YEATS2: variants seen among roughly 807,000 people sequenced by gnomAD.
YEATS2 encodes the protein YEATS domain-containing protein 2.
In YEATS2, 77 loss-of-function variants were observed where a neutral mutation model predicts 163.2. That is an observed-to-expected ratio of 0.47 (90% CI 0.39 to 0.57). The LOEUF is 0.57. Ranked by LOEUF, YEATS2 falls within the 20% of genes least tolerant of loss-of-function variation. The pLI is 0.00. For missense variants in YEATS2, 1,549 were observed against 1,729.8 expected, an observed-to-expected ratio of 0.90 and a Z score of 1.85; for synonymous variants, 631 against 645.1, an observed-to-expected ratio of 0.98 and a Z score of 0.33.
chr3:183,697,819 C>A lies in YEATS2; in HGVS notation c.-194C>A, dbSNP rs1455646637. ...CCCGACGCGCCCAGCTGCTGACGTG[C>A]GGGGCGGAACGCGCCGGGCGGGCTC... On this transcript the variant is annotated 5_prime_UTR_variant, in exon 1 of 31. Coordinates refer to ENST00000305135, the MANE Select transcript of YEATS2 (RefSeq NM_018023.5). 2.0e-5 allele frequency: 3 copies of A among 149,912 alleles called. No individual in the cohort carries two copies. Among genetic ancestry groups the A allele is most frequent in the South Asian group, 2.1e-4 (1 of 4,826 alleles). The allele number at this position is 149,912 out of a possible 1,614,324, so 9.3% of individuals were successfully genotyped here. A position where few individuals can be genotyped will look rare whatever the true frequency, so the allele number is the denominator to read the frequency against.
chr3:183,803,394 G>C, intron 26 of YEATS2, 59 bp downstream of exon 26: 1 of 1,440,228 alleles, frequency 6.9e-7, no homozygotes, highest in Non-Finnish European at 9.6e-7. Flanking sequence ...TTATGGAACA[G>C]GGATAAGATT....
intron 1 of YEATS2, among the ~76,000 whole-genome samples, chr3:183,709,834 C>T (rs542068155): frequency 5.3e-5 from 8 of 151,916 alleles, no homozygotes; most frequent in Admixed American, 2.0e-4. Context: ...CCCGCCACCA[C>T]GCCCGGCTAA....
At chr3:183,727,994 A>AAGGG (rs1327056415) in intron 6 of YEATS2, among the ~76,000 whole-genome samples, 3 of 152,072 alleles carry the variant, frequency 2.0e-5, no homozygotes, top group Non-Finnish European at 2.9e-5. Context: ...GAACAACACA[A>AAGGG]ACTTTTAACA....
intron 1 of YEATS2, among the ~76,000 whole-genome samples, chr3:183,705,325 C>A (rs1302325675): frequency 6.6e-6 from 1 of 152,196 alleles, no homozygotes; most frequent in Non-Finnish European, 1.5e-5. Context: ...GCTGGGATTA[C>A]AAGCGTGAGC....
At chr3:183,767,636 C>T (rs1722038475) in intron 15 of YEATS2, among the ~76,000 whole-genome samples, 1 of 152,128 alleles carries the variant, frequency 6.6e-6, no homozygotes, top group African/African-American at 2.4e-5. Context: ...CCGCCTTGGC[C>T]TCCTGAAGTG....
rs1391008024 is a variant in YEATS2, at chr3:183,758,834, T to C, written c.1553-28T>C. 9 of 1,428,940 alleles carry C rather than the reference T, an allele frequency of 6.3e-6. No individual in the cohort carries two copies. In the South Asian group the frequency reaches 8.7e-5, roughly 14 times the overall value. The allele number at this position is 1,428,940 out of a possible 1,614,324, so 88.5% of individuals were successfully genotyped here. Reference sequence around the variant, plus strand: ...TACCTTTTGTAAATTTTACTTTGTTTATGTTTTAATTGTGCCTTGCTTATC... The same window carrying C: ...TACCTTTTGTAAATTTTACTTTGTTCATGTTTTAATTGTGCCTTGCTTATC... On this transcript the variant is annotated intron_variant, in intron 12 of 30. Transcript: ENST00000305135.
rs1456877730 is a variant in YEATS2 at position 183,756,445 on chromosome 3, G to T, written c.1391-83G>T. ...TTGTTACCTTTGTCCTGGTGGCACTGACCTTCTTCCTTGTCCTCGACATCT... is the reference window on the plus strand; with the variant it reads ...TTGTTACCTTTGTCCTGGTGGCACTTACCTTCTTCCTTGTCCTCGACATCT... On this transcript the variant is annotated intron_variant, in intron 11 of 30. Coordinates refer to ENST00000305135, the MANE Select transcript of YEATS2 (RefSeq NM_018023.5). 27 of 1,348,034 alleles carry T rather than the reference G, an allele frequency of 2.0e-5. 1 individual carries two copies. Among genetic ancestry groups the T allele is most frequent in the Middle Eastern group, 3.8e-4 (2 of 5,252 alleles). The allele number at this position is 1,348,034 out of a possible 1,614,324, so 83.5% of individuals were successfully genotyped here.
intron 7 of YEATS2, among the ~76,000 whole-genome samples, chr3:183,732,383 GCACAGGTTGCGGTGAGCCAAGATCATGC>G (rs1560247301): frequency 6.6e-6 from 1 of 150,988 alleles, no homozygotes; most frequent in Non-Finnish European, 1.5e-5. Context: ...AACCCGGGAG[GCACAGGTTGCGGTGAGCCAAGATCATGC>G]CACTGCACTC....
rs1255452723 is a variant in YEATS2, at chr3:183,732,684, T to A, written c.812+3833T>A. Among the ~76,000 whole-genome samples the A allele has an allele frequency of 2.0e-5, 3 of 151,556 alleles. No individual in the cohort carries two copies. In the South Asian group the frequency reaches 6.3e-4, roughly 32 times the overall value. ...ACGCCGTTCTCCTGCCTCAGCCTCC[T>A]GAGTAACTGGGACTACAGGCGCCCG... On this transcript the variant is annotated intron_variant, in intron 7 of 30. Coordinates refer to ENST00000305135, the MANE Select transcript of YEATS2 (RefSeq NM_018023.5).
At chr3:183,805,417 A>G (rs263037) in intron 27 of YEATS2, among the ~76,000 whole-genome samples, 67,658 of 151,698 alleles carry the variant, frequency 0.45, 15,315 homozygotes, top group Middle Eastern at 0.56. Context: ...TAAAAAGAAA[A>G]GTTGTTCTCT....
chr3:183,761,548 A>C lies in YEATS2; in HGVS notation c.1698A>C (p.Pro566=). Residue 566 remains proline (P), a synonymous_variant, in exon 14 of 31, where the codon CCA becomes CCC. Coordinates refer to ENST00000305135, the MANE Select transcript of YEATS2 (RefSeq NM_018023.5). ...TTGCATCTATGCCACCTCTTTGCCCAATTGGGAGTCACCCTAAGGTTCAAA... is the reference window on the plus strand; with the variant it reads ...TTGCATCTATGCCACCTCTTTGCCCCATTGGGAGTCACCCTAAGGTTCAAA... ...SLFASMPPLC[P]IGSHPKVQSP... The C allele has an allele frequency of 6.2e-7, 1 of 1,614,194 alleles. No homozygotes were observed. Among genetic ancestry groups the C allele is most frequent in the Non-Finnish European group, 8.5e-7 (1 of 1,180,014 alleles).
intron 5 of YEATS2, among the ~76,000 whole-genome samples, chr3:183,722,511 G>A (rs1380390053): frequency 2.0e-5 from 3 of 152,002 alleles, no homozygotes; most frequent in East Asian, 1.9e-4. Context: ...GGATGGTCTC[G>A]ATCTCCTGAC....
intron 30 of YEATS2, 21 bp from the exon 31 acceptor site, chr3:183,810,454 A>C (rs758110022): frequency 2.1e-5 from 34 of 1,596,616 alleles, no homozygotes; most frequent in Non-Finnish European, 2.7e-5. Context: ...ACCTGGTAAC[A>C]CCCTTTGTTT....
At chr3:183,728,283 A>G (rs1414551210) in intron 6 of YEATS2, among the ~76,000 whole-genome samples, 1 of 152,142 alleles carries the variant, frequency 6.6e-6, no homozygotes, top group Non-Finnish European at 1.5e-5. Context: ...ACTCTTTGAG[A>G]TTACTGTCTC....
intron 6 of YEATS2, 59 bp downstream of exon 6, chr3:183,724,590 A>G (rs1234761301): frequency 1.6e-6 from 2 of 1,280,398 alleles, no homozygotes; most frequent in Non-Finnish European, 2.2e-6. Flanking sequence ...TTTGGCATTA[A>G]TACTCTTACA....
intron 20 of YEATS2, among the ~76,000 whole-genome samples, chr3:183,789,524 A>ATTTTTTTT (rs1560317945): frequency 1.3e-5 from 1 of 77,062 alleles, no homozygotes; most frequent in South Asian, 4.5e-4. Context: ...CATTCGAGTT[A>ATTTTTTTT]ATTTTTTTTT....
intron 15 of YEATS2, among the ~76,000 whole-genome samples, chr3:183,765,301 A>G (rs1434656686): frequency 6.6e-6 from 1 of 152,222 alleles, no homozygotes; most frequent in Non-Finnish European, 1.5e-5. Context: ...TGTTTATGTT[A>G]GAAGCTCTTG....
chr3:183,747,615 G>A lies in YEATS2; in HGVS notation c.925-57G>A, dbSNP rs1719683122. 10 of 1,461,190 alleles carry A rather than the reference G, an allele frequency of 6.8e-6. No individual in the cohort carries two copies. In the Admixed American group the frequency reaches 1.7e-4, roughly 25 times the overall value. The allele number at this position is 1,461,190 out of a possible 1,614,324, so 90.5% of individuals were successfully genotyped here. A position where few individuals can be genotyped will look rare whatever the true frequency, so the allele number is the denominator to read the frequency against. On this transcript the variant is annotated intron_variant, in intron 8 of 30. Coordinates refer to ENST00000305135, the MANE Select transcript of YEATS2 (RefSeq NM_018023.5). ...GCTGTAGATAAAGATTGTATCCTAT[G>A]ATAATATGTAAGTAAGTGCAGTGAA...
chr3:183,725,996 T>C (rs1717054695), intron 6 of YEATS2, among the ~76,000 whole-genome samples: 1 of 151,850 alleles, frequency 6.6e-6, no homozygotes, highest in African/African-American at 2.4e-5. Flanking sequence ...ATAAAGTAGA[T>C]AAGTCTTTTC....
Sources: gnomAD v4.1 joint callset for allele counts (sites outside exome capture counted in the v4.1 genomes callset) on GRCh38, gnomAD v4.1.1 for gene constraint, MANE v1.5 for transcripts, NCBI Gene and HGNC (gene_info 2026-07-23, HGNC 2026-07-21) for gene names.